TENT4B: variants seen among roughly 807,000 people sequenced by gnomAD.
TENT4B encodes the protein terminal nucleotidyltransferase 4B, also known as PAP associated domain containing 5.
TENT4B carries 10 observed loss-of-function variants against 75.0 expected under a neutral mutation model. The observed-to-expected ratio is 0.13, with a 90% confidence interval of 0.08 to 0.23. The LOEUF is 0.23. TENT4B is among the 10% of genes least tolerant of loss of function. TENT4B has a pLI of 1.00. For synonymous variants in TENT4B, 350 were observed against 357.7 expected (o/e 0.98, Z 0.24); for missense variants, 579 against 893.8 (o/e 0.65, Z 4.49).
intron 10 of TENT4B, among the ~76,000 whole-genome samples, chr16:50,226,667 C>T (rs947334607): frequency 9.2e-5 from 14 of 152,178 alleles, no homozygotes; most frequent in Non-Finnish European, 1.5e-4. Flanking sequence ...CCGACTGCCT[C>T]GGCCTCCCAA....
At chr16:50,203,483 A>G (rs1217307557) in intron 1 of TENT4B, among the ~76,000 whole-genome samples, 2 of 152,132 alleles carry the variant, frequency 1.3e-5, no homozygotes, top group Admixed American at 1.3e-4. Flanking sequence ...CCACTTGTAA[A>G]CCTTGGCTTT....
intron 1 of TENT4B, among the ~76,000 whole-genome samples, chr16:50,191,522 C>T (rs1567494439): frequency 6.6e-6 from 1 of 152,180 alleles, no homozygotes; most frequent in African/African-American, 2.4e-5. Context: ...AGTCCTCCTG[C>T]TTCAGCCTCC....
chr16:50,187,561 C>T (rs2038555440), intron 1 of TENT4B, among the ~76,000 whole-genome samples: 3 of 152,152 alleles, frequency 2.0e-5, no homozygotes, highest in Admixed American at 6.6e-5. Flanking sequence ...CCAGCCTGGG[C>T]GACAGAGCGA....
At chr16:50,213,077 C>T (rs1241066798) in intron 2 of TENT4B, among the ~76,000 whole-genome samples, 1 of 151,852 alleles carries the variant, frequency 6.6e-6, no homozygotes, top group Non-Finnish European at 1.5e-5. Flanking sequence ...TTTTTTCCCC[C>T]GAGATGGAGT....
At chr16:50,199,995 A>ATTGGT (rs1302785755) in intron 1 of TENT4B, among the ~76,000 whole-genome samples, 1 of 152,130 alleles carries the variant, frequency 6.6e-6, no homozygotes, top group Non-Finnish European at 1.5e-5. Flanking sequence ...GTGTGTGGAC[A>ATTGGT]TTGGTTTTCA....
chr16:50,153,133 G>A, upstream of TENT4B: 2 of 895,138 alleles, frequency 2.2e-6, no homozygotes, highest in Non-Finnish European at 2.9e-6. Flanking sequence ...GGCCTCCCGG[G>A]CTGCTGCGCG....
chr16:50,161,765 T>C (rs2038005954), intron 1 of TENT4B, among the ~76,000 whole-genome samples: 1 of 152,208 alleles, frequency 6.6e-6, no homozygotes, highest in Non-Finnish European at 1.5e-5. Flanking sequence ...TAATTTAATG[T>C]CAAGAACCAG....
chr16:50,209,384 G>A (rs2031159107), intron 1 of TENT4B, among the ~76,000 whole-genome samples: 1 of 152,162 alleles, frequency 6.6e-6, no homozygotes, highest in Non-Finnish European at 1.5e-5. Flanking sequence ...CTGTCTTCAA[G>A]AAGCAGAAGG....
chr16:50,206,108 T>C (rs2030950041), intron 1 of TENT4B, among the ~76,000 whole-genome samples: 1 of 152,174 alleles, frequency 6.6e-6, no homozygotes, highest in South Asian at 2.1e-4. Context: ...TTTTTTAGTA[T>C]CCTAATTAAT....
chr16:50,155,225 T>C (rs1417980487), intron 1 of TENT4B, among the ~76,000 whole-genome samples: 1 of 151,776 alleles, frequency 6.6e-6, no homozygotes, highest in Admixed American at 6.6e-5. Flanking sequence ...CTGGAATAGG[T>C]CACTGAATCT....
At chr16:50,181,601 A>G (rs1298431335) in intron 1 of TENT4B, among the ~76,000 whole-genome samples, 1 of 151,382 alleles carries the variant, frequency 6.6e-6, no homozygotes, top group East Asian at 1.9e-4. Context: ...CACCATGCCC[A>G]GCCTTCACTT....
intron 3 of TENT4B, 65 bp downstream of exon 3, chr16:50,214,332 T>G: frequency 7.7e-7 from 1 of 1,299,634 alleles, no homozygotes; most frequent in Non-Finnish European, 1.1e-6. Flanking sequence ...GCTGTCAAAT[T>G]TGTAAGGAGT....
At chr16:50,166,851 A>G (rs1223179876) in intron 1 of TENT4B, among the ~76,000 whole-genome samples, 1 of 151,100 alleles carries the variant, frequency 6.6e-6, no homozygotes, top group African/African-American at 2.4e-5. Context: ...GCTGGTCTCA[A>G]ACTCCTGAGC....
intron 1 of TENT4B, among the ~76,000 whole-genome samples, chr16:50,206,421 A>T (rs898316758): frequency 3.2e-5 from 4 of 123,454 alleles, no homozygotes; most frequent in Non-Finnish European, 4.8e-5. Flanking sequence ...TGGTGGAGGG[A>T]TGTCCTGTTA....
chr16:50,213,203 C>T (rs961611861), intron 2 of TENT4B, among the ~76,000 whole-genome samples: 9 of 152,072 alleles, frequency 5.9e-5, no homozygotes, highest in African/African-American at 1.7e-4. Flanking sequence ...GGGGTTCAGG[C>T]GCCCGTCACC....
chr16:50,220,135 C>T (rs1422495972), intron 5 of TENT4B, among the ~76,000 whole-genome samples: 5 of 151,856 alleles, frequency 3.3e-5, no homozygotes, highest in African/African-American at 1.2e-4. Flanking sequence ...ATTAGAGGCG[C>T]ACACCACCAC....
At chr16:50,164,741 A>C (rs191184588) in intron 1 of TENT4B, among the ~76,000 whole-genome samples, 18 of 152,170 alleles carry the variant, frequency 1.2e-4, no homozygotes, top group African/African-American at 4.1e-4. Flanking sequence ...TTTGACTTAA[A>C]AAAAAAGGTT....
At chr16:50,190,204 C>T (rs990469498) in intron 1 of TENT4B, among the ~76,000 whole-genome samples, 15 of 151,586 alleles carry the variant, frequency 9.9e-5, no homozygotes, top group African/African-American at 3.7e-4. Context: ...TAGTATAATA[C>T]TTAGTTCTTC....
At chr16:50,220,809 A>G (rs1219735873) in intron 5 of TENT4B, among the ~76,000 whole-genome samples, 1 of 152,142 alleles carries the variant, frequency 6.6e-6, no homozygotes, top group Admixed American at 6.5e-5. Flanking sequence ...GATTACAGAT[A>G]TGAGCCACCG....
Sources: gnomAD v4.1 joint callset for allele counts (sites outside exome capture counted in the v4.1 genomes callset) on GRCh38, gnomAD v4.1.1 for gene constraint, MANE v1.5 for transcripts, NCBI Gene and HGNC (gene_info 2026-07-23, HGNC 2026-07-21) for gene names.